SLC13A4: variants seen among roughly 807,000 people sequenced by gnomAD.
SLC13A4 encodes Na(+)/sulfate cotransporter SUT-1.
A neutral mutation model predicts 72.7 loss-of-function variants in SLC13A4; 28 were observed. The ratio of observed to expected loss-of-function variants is 0.39; its 90% CI spans 0.29 to 0.53. SLC13A4 has a LOEUF of 0.53. SLC13A4 is among the 20% of genes least tolerant of loss of function. The pLI, the probability that SLC13A4 is intolerant of heterozygous loss-of-function variation, is 0.78. For missense variants in SLC13A4, 653 were observed against 788.0 expected (o/e 0.83, Z 2.05); for synonymous variants, 312 against 325.5 (o/e 0.96, Z 0.45).
intron 1 of SLC13A4, among the ~76,000 whole-genome samples, chr7:135,724,758 C>T (rs184306979): frequency 1.3e-5 from 2 of 152,230 alleles, no homozygotes; most frequent in Admixed American, 1.3e-4. Flanking sequence ...GAAGAATGGA[C>T]AAGAGACACC....
In SLC13A4 at chr7:135,685,606, C is replaced by T. The variant is rs748095892; in HGVS notation, c.1524G>A (p.Leu508=). 1.4e-5 allele frequency: 23 copies of T among 1,614,192 alleles called. No individual in the cohort carries two copies. The East Asian group carries it at 5.1e-4, about 36-fold the overall frequency. ...SSLPPWAVTL[L]ACILVSIVTE... ...TGACAATGGACACGAGGATGCATGC[C>T]AGCAGGGTGACAGCCCACGGTGGGA... is the stretch of plus-strand genomic sequence containing the variant. The change falls in exon 14 of 16, where the codon CTG becomes CTA. Residue 508 remains leucine, a synonymous_variant. Transcript: ENST00000682651.
At chr7:135,725,199 C>T (rs962384949) in intron 1 of SLC13A4, among the ~76,000 whole-genome samples, 2 of 152,302 alleles carry the variant, frequency 1.3e-5, no homozygotes, top group South Asian at 2.1e-4. Context: ...TGGCATTTCC[C>T]CATGTAGGAC....
chr7:135,692,234 C>G (rs1422667501), intron 11 of SLC13A4, 89 bp downstream of exon 11: 4 of 916,452 alleles, frequency 4.4e-6, no homozygotes, highest in Non-Finnish European at 7.1e-6. Flanking sequence ...ATCTTCCTGG[C>G]TTCATATCTG....
chr7:135,686,131 A>G (rs1171672627), intron 13 of SLC13A4, among the ~76,000 whole-genome samples: 1 of 152,216 alleles, frequency 6.6e-6, no homozygotes, highest in Non-Finnish European at 1.5e-5. Context: ...TTGTTACCTA[A>G]AAAAGGGAAA....
intron 2 of SLC13A4, among the ~76,000 whole-genome samples, chr7:135,710,507 G>A (rs1796275985): frequency 6.7e-6 from 1 of 149,582 alleles, no homozygotes; most frequent in East Asian, 2.1e-4. Context: ...TATCATATGG[G>A]AATGGAGCTT....
intron 2 of SLC13A4, among the ~76,000 whole-genome samples, chr7:135,719,805 G>GTGTA (rs1554480022): frequency 9.2e-6 from 1 of 109,008 alleles, no homozygotes; most frequent in South Asian, 2.8e-4. Context: ...GTGTGTGTAT[G>GTGTA]TGTGTGTGTG....
chr7:135,702,487 A>C (rs3112344), intron 6 of SLC13A4: 144,570 of 214,684 alleles, frequency 0.67, 49,594 homozygotes, highest in East Asian at 0.89. Flanking sequence ...GTGATTCTCC[A>C]GCCTCAGCCT....
intron 2 of SLC13A4, among the ~76,000 whole-genome samples, chr7:135,708,687 C>A (rs1175760416): frequency 1.3e-5 from 2 of 151,702 alleles, no homozygotes; most frequent in Non-Finnish European, 2.9e-5. Flanking sequence ...CATTTCATTT[C>A]TATTAGAAAA....
rs755329107 is a variant in SLC13A4 at position 135,701,788 on chromosome 7, TAGGA to T, written c.634-32_634-29del. 1.1e-3 allele frequency: 1,734 copies of T among 1,609,988 alleles called. 1 individual carries two copies. Among genetic ancestry groups the T allele is most frequent in the Non-Finnish European group, 1.0e-3 (1,211 of 1,177,438 alleles). On this transcript the variant is annotated intron_variant, in intron 6 of 15. Transcript: ENST00000682651. ...GTTGGGACAAAGGCCATCTCACTAT[TAGGA>T]AGAGGAAGTGGTGAGCCAGGTGCCT...
chr7:135,698,136 G>A (rs185860904), intron 8 of SLC13A4, among the ~76,000 whole-genome samples: 187 of 152,060 alleles, frequency 1.2e-3, no homozygotes, highest in Middle Eastern at 3.4e-3. Context: ...AGGCTCAAGC[G>A]ATTCTCCTGC....
intron 1 of SLC13A4, among the ~76,000 whole-genome samples, chr7:135,724,926 C>T (rs1353293834): frequency 6.6e-6 from 1 of 152,180 alleles, no homozygotes; most frequent in African/African-American, 2.4e-5. Context: ...GTCCGATGTC[C>T]CCAACGCCTA....
At chr7:135,705,720 G>T in intron 4 of SLC13A4, 70 bp from the exon 5 acceptor site, 1 of 1,388,908 alleles carries the variant, frequency 7.2e-7, no homozygotes, top group Non-Finnish European at 1.0e-6. Flanking sequence ...TTGGAGCATA[G>T]CTCAAGGGCT....
chr7:135,692,578 G>A, intron 10 of SLC13A4, 154 bp from the exon 11 acceptor site: 1 of 604,476 alleles, frequency 1.7e-6, no homozygotes, highest in South Asian at 2.1e-5. Flanking sequence ...ACAGTGAGAT[G>A]AGGAGAAGAC....
At chr7:135,691,494 C>T in intron 12 of SLC13A4, 54 bp downstream of exon 12, 1 of 1,540,808 alleles carries the variant, frequency 6.5e-7, no homozygotes, top group Non-Finnish European at 9.0e-7. Context: ...GAGTATTAGT[C>T]TGATTTGGGT....
In SLC13A4 at chr7:135,686,026, A is replaced by G. The variant is rs139358694; in HGVS notation, c.1447-343T>C. Among the ~76,000 whole-genome samples, 33 of 152,366 alleles carry G rather than the reference A, an allele frequency of 2.2e-4. 1 individual carries two copies. In the East Asian group the frequency reaches 5.4e-3, roughly 25 times the overall value. The stretch of plus-strand genomic sequence containing the variant: ...ACTTCAGTCTCGTTACCCTTTCTCT[A>G]GCCTCTGACATCCTTACCCTGTGCA... On this transcript the variant is annotated intron_variant, in intron 13 of 15. Coordinates refer to ENST00000682651, the MANE Select transcript of SLC13A4 (RefSeq NM_001318192.2).
rs1795490851 is a variant in SLC13A4, at chr7:135,681,247, CTTCT to C, written c.*312_*315del. ...AGATACAACTTTAGGTTTTCTTTGT[CTTCT>C]TTTTTTTTAATTTAATTTTTATTTT... On this transcript the variant is annotated 3_prime_UTR_variant, in exon 16 of 16. Coordinates refer to ENST00000682651, the MANE Select transcript of SLC13A4 (RefSeq NM_001318192.2). The C allele has an allele frequency of 4.4e-6, 1 of 226,900 alleles. No individual in the cohort carries two copies. Among genetic ancestry groups the C allele is most frequent in the South Asian group, 1.7e-4 (1 of 5,896 alleles). The allele number at this position is 226,900 out of a possible 1,614,324, so 14.1% of individuals were successfully genotyped here. A position where few individuals can be genotyped will look rare whatever the true frequency, so the allele number is the denominator to read the frequency against.
intron 6 of SLC13A4, chr7:135,702,016 T>G: frequency 5.5e-6 from 2 of 366,730 alleles, no homozygotes; most frequent in Non-Finnish European, 4.8e-6. Flanking sequence ...GAGCCAGCCT[T>G]TCTGGGACTT....
At chr7:135,705,494 T>C (rs1382827241) in intron 5 of SLC13A4, 102 bp downstream of exon 5, 16 of 1,042,180 alleles carry the variant, frequency 1.5e-5, no homozygotes, top group Non-Finnish European at 2.3e-5. Context: ...TGAGCTTGGG[T>C]GGTACATCTC....
chr7:135,714,798 G>GCCGACT lies in SLC13A4; in HGVS notation c.229-6554_229-6549dup, dbSNP rs575955618. On this transcript the variant is annotated intron_variant, in intron 2 of 15. Coordinates refer to ENST00000682651, the MANE Select transcript of SLC13A4 (RefSeq NM_001318192.2). Reference sequence around the variant, plus strand: ...CCAGCAGGGAAGCGGATTGATGACAGCCGACTCCGGCGGCACCAGGCGGCA... The same window carrying GCCGACT: ...CCAGCAGGGAAGCGGATTGATGACAGCCGACTCCGACTCCGGCGGCACCAGGCGGCA... 5.9e-4 allele frequency among the ~76,000 whole-genome samples: 90 copies of GCCGACT among 152,340 alleles called. 1 individual carries two copies. The highest frequency in any genetic ancestry group is 2.0e-3 in the African/African-American group (83 of 41,552).
Sources: allele counts gnomAD v4.1 joint callset (sites outside exome capture counted in the v4.1 genomes callset), GRCh38; gene constraint gnomAD v4.1.1; transcripts MANE v1.5; gene names NCBI Gene and HGNC (gene_info 2026-07-23, HGNC 2026-07-21).